AZIN2: variants seen among roughly 807,000 people sequenced by gnomAD.
AZIN2 encodes the protein ODC antizyme inhibitor-2.
AZIN2 carries 28 observed loss-of-function variants against 47.8 expected under a neutral mutation model. The observed-to-expected ratio is 0.59, with a 90% CI of 0.43 to 0.80. The LOEUF is 0.80. AZIN2 is among the 30% of genes least tolerant of loss of function. AZIN2 has a pLI of 0.00. For missense variants in AZIN2, 535 were observed against 582.5 expected, an observed-to-expected ratio of 0.92 and a Z score of 0.84; for synonymous variants, 221 against 239.4, an observed-to-expected ratio of 0.92 and a Z score of 0.71.
At chr1:33,135,855 C>G in the AZIN2 span, among the ~76,000 whole-genome samples, 1 of 152,166 alleles carries the variant, frequency 6.6e-6, no homozygotes, top group African/African-American at 2.4e-5. Context: ...GCCTAGCAAG[C>G]TGTAGGAATT....
chr1:33,125,254 C>A (rs1200918194), downstream of AZIN2, among the ~76,000 whole-genome samples: 1 of 152,160 alleles, frequency 6.6e-6, no homozygotes, highest in Admixed American at 6.5e-5. Flanking sequence ...CATTTTAAAC[C>A]CTCTTCCTGG....
chr1:33,154,280 G>T, the AZIN2 span, among the ~76,000 whole-genome samples: 2 of 152,084 alleles, frequency 1.3e-5, no homozygotes, highest in African/African-American at 4.8e-5. Context: ...TCCCTCCCCA[G>T]TCACTGACCC....
the AZIN2 span, among the ~76,000 whole-genome samples, chr1:33,141,552 C>T: frequency 1.3e-5 from 2 of 152,230 alleles, no homozygotes; most frequent in Non-Finnish European, 2.9e-5. Context: ...GGACCTGAAG[C>T]TTTGTGCCTC....
chr1:33,151,038 G>T, the AZIN2 span, among the ~76,000 whole-genome samples: 3 of 152,112 alleles, frequency 2.0e-5, no homozygotes, highest in South Asian at 6.2e-4. Flanking sequence ...CCTCAAGCAG[G>T]TATAAGGGCT....
chr1:33,098,057 C>T lies in AZIN2; in HGVS notation c.917-10C>T. Reference sequence around the variant, plus strand: ...TACTTGTGCTGCCTCTGAACCCTCCCCTCCTGCAGAGGAAAATGGTTCCAC... The same window carrying T: ...TACTTGTGCTGCCTCTGAACCCTCCTCTCCTGCAGAGGAAAATGGTTCCAC... On this transcript the variant is annotated splice_polypyrimidine_tract_variant and intron_variant, in intron 9 of 11. Transcript: ENST00000294517. 6.2e-7 allele frequency: 1 copy of T among 1,607,924 alleles called. No homozygotes were observed. The highest frequency in any genetic ancestry group is 1.1e-5 in the South Asian group (1 of 90,938).
the AZIN2 span, among the ~76,000 whole-genome samples, chr1:33,133,056 C>T: frequency 7.4e-4 from 113 of 152,326 alleles, no homozygotes; most frequent in Admixed American, 1.3e-3. Context: ...AGGTTCCCTG[C>T]GGAGGCCCCA....
the AZIN2 span, among the ~76,000 whole-genome samples, chr1:33,147,906 G>C: frequency 6.6e-6 from 1 of 152,178 alleles, no homozygotes; most frequent in African/African-American, 2.4e-5. This position sits in a 1 kb window ranked among gnomAD's most constrained non-coding sequence, Gnocchi z 8.1. Context: ...AGAATGGAAG[G>C]GTGGTGGTTA....
At chr1:33,133,816 T>A in the AZIN2 span, among the ~76,000 whole-genome samples, 3 of 152,172 alleles carry the variant, frequency 2.0e-5, no homozygotes, top group African/African-American at 7.2e-5. Flanking sequence ...AGGCAAAGAT[T>A]GAGTGACCTT....
At chr1:33,095,361 T>C (rs911305562) in intron 8 of AZIN2, among the ~76,000 whole-genome samples, 4 of 152,308 alleles carry the variant, frequency 2.6e-5, no homozygotes, top group Admixed American at 1.3e-4. Context: ...TACTCAGGAT[T>C]TGTTAAATTA....
At chr1:33,133,567 C>T in the AZIN2 span, among the ~76,000 whole-genome samples, 1 of 152,306 alleles carries the variant, frequency 6.6e-6, no homozygotes, top group Non-Finnish European at 1.5e-5. Context: ...GAGAGCAGGG[C>T]CGGGATGGTG....
Position 33,118,145 on chromosome 1 carries a change from T to G in AZIN2, c.1244+29T>G, listed in dbSNP as rs115486871. The G allele has an allele frequency of 7.5e-3, 11,301 of 1,501,126 alleles. 59 individuals carry two copies. Among genetic ancestry groups the G allele is most frequent in the Non-Finnish European group, 8.5e-3 (9,633 of 1,127,450 alleles). 93.0% of individuals were successfully genotyped at this position (1,501,126 alleles called of 1,614,324 possible). A position where few individuals can be genotyped will look rare whatever the true frequency, so the allele number is the denominator to read the frequency against. On this transcript the variant is annotated intron_variant, in intron 11 of 11. Coordinates refer to ENST00000294517, the MANE Select transcript of AZIN2 (RefSeq NM_052998.4). The stretch of plus-strand genomic sequence containing the variant: ...AGAGGGCCCTGCTGGAAAATGGGGG[T>G]ATGGGGAGGAACTGGGCAGAAACGA...
At chr1:33,104,617 G>T (rs1175676366) in intron 10 of AZIN2, among the ~76,000 whole-genome samples, 1 of 152,020 alleles carries the variant, frequency 6.6e-6, no homozygotes, top group African/African-American at 2.4e-5. Context: ...AAAATAAAAT[G>T]ATTCACTAAT....
At position 33,119,983 on chromosome 1, in the gene AZIN2, C is replaced by G. The variant is rs559781295; in HGVS notation, c.1245-61C>G. 185 of 1,606,574 alleles carry G rather than the reference C, an allele frequency of 1.2e-4. 4 individuals carry two copies. In the South Asian group the frequency reaches 1.9e-3, roughly 16 times the overall value. ...CCTCTGCCCAATGGGGCTGCGTCTC[C>G]AGGTACAGGGCCCTGCCAGTCCCAT... On this transcript the variant is annotated intron_variant, in intron 11 of 11. Coordinates refer to ENST00000294517, the MANE Select transcript of AZIN2 (RefSeq NM_052998.4).
At chr1:33,159,683 C>T in the AZIN2 span, 1 of 1,603,278 alleles carries the variant, frequency 6.2e-7, no homozygotes. The surrounding 1 kb of genome is among the most constrained non-coding windows in gnomAD (Gnocchi z 4.2). Context: ...GCGGGTGGCA[C>T]TTACCGCTCG....
the AZIN2 span, among the ~76,000 whole-genome samples, chr1:33,138,291 T>C: frequency 6.6e-6 from 1 of 152,066 alleles, no homozygotes; most frequent in Admixed American, 6.6e-5. Context: ...GGAATAACAA[T>C]CTTTTATTAA....
intron 4 of AZIN2, chr1:33,083,746 A>G (rs574961153): frequency 2.6e-4 from 158 of 596,264 alleles, no homozygotes; most frequent in Admixed American, 4.8e-4. Context: ...CATTGAGGGG[A>G]GGGATTGGGG....
intron 7 of AZIN2, among the ~76,000 whole-genome samples, chr1:33,094,265 G>T (rs1033678757): frequency 6.6e-6 from 1 of 152,200 alleles, no homozygotes; most frequent in Non-Finnish European, 1.5e-5. Context: ...TGCTGACTGG[G>T]AGGCACAGCC....
intron 7 of AZIN2, 99 bp from the exon 8 acceptor site, chr1:33,094,449 C>A: frequency 7.9e-7 from 1 of 1,273,580 alleles, no homozygotes; most frequent in Non-Finnish European, 1.1e-6. Flanking sequence ...AAAATGGGCA[C>A]AGTGTCTCAT....
chr1:33,095,223 G>T (rs559893944), intron 8 of AZIN2, among the ~76,000 whole-genome samples: 2 of 152,252 alleles, frequency 1.3e-5, no homozygotes, highest in South Asian at 4.1e-4. Flanking sequence ...GCCTCCTTCG[G>T]GAATACCGAC....
Sources: allele counts gnomAD v4.1 joint callset (sites outside exome capture counted in the v4.1 genomes callset), GRCh38; gene constraint gnomAD v4.1.1; non-coding constraint Gnocchi (gnomAD v3.1); transcripts MANE v1.5; gene names NCBI Gene and HGNC (gene_info 2026-07-23, HGNC 2026-07-21).